The following CSMD3 variants were observed in gnomAD, a reference collection of about 807,000 sequenced individuals.
CSMD3 encodes CUB and Sushi multiple domains 3, also known as CUB and sushi domain-containing protein 3.
CSMD3 carries 177 observed loss-of-function variants against 435.2 expected under a neutral mutation model. That is an observed-to-expected ratio of 0.41 (90% CI 0.36 to 0.46). The LOEUF is 0.46. CSMD3 is among the 20% of genes least tolerant of loss of function. The probability of loss-of-function intolerance (pLI) is 0.34; values close to 1 mark genes in which losing one functional copy is unlikely to be tolerated. For missense variants in CSMD3, 4,265 were observed against 4,504.6 expected, an observed-to-expected ratio of 0.95 and a Z score of 1.52; for synonymous variants, 1,656 against 1,520.5, an observed-to-expected ratio of 1.09 and a Z score of -2.07.
intron 2 of CSMD3, among the ~76,000 whole-genome samples, chr8:113,302,302 A>ATTG (rs200462130): frequency 8.2e-6 from 1 of 121,744 alleles, no homozygotes; most frequent in South Asian, 2.5e-4. Context: ...ATAATATAAT[A>ATTG]TATATATTAT....
At chr8:112,754,984 G>A (rs897035431) in intron 13 of CSMD3, among the ~76,000 whole-genome samples, 9 of 152,088 alleles carry the variant, frequency 5.9e-5, no homozygotes, top group African/African-American at 2.2e-4. Context: ...ATCTTGAATG[G>A]TACTTCCCAT....
intron 22 of CSMD3, among the ~76,000 whole-genome samples, chr8:112,634,042 G>T (rs2074589049): frequency 6.6e-6 from 1 of 151,926 alleles, no homozygotes; most frequent in Non-Finnish European, 1.5e-5. Flanking sequence ...TATGCAGTTG[G>T]CAATGCTGAA....
intron 3 of CSMD3, among the ~76,000 whole-genome samples, chr8:113,199,683 C>T (rs2092697577): frequency 6.6e-6 from 1 of 151,628 alleles, no homozygotes; most frequent in Middle Eastern, 3.4e-3. Context: ...TGCTGAAAGC[C>T]ACAACATTAA....
chr8:112,470,942 T>G (rs7818544), intron 32 of CSMD3, among the ~76,000 whole-genome samples: 42,988 of 151,954 alleles, frequency 0.28, 6,389 homozygotes, highest in East Asian at 0.51. Context: ...AAAAACCAAC[T>G]ATTATTGGCT....
intron 59 of CSMD3, among the ~76,000 whole-genome samples, chr8:112,277,527 C>T (rs1051342718): frequency 3.3e-5 from 5 of 152,176 alleles, no homozygotes; most frequent in African/African-American, 9.7e-5. Flanking sequence ...TTCTCCTGAG[C>T]CCTCCAAACT....
At chr8:112,488,038 A>AATAT (rs1240374235) in intron 31 of CSMD3, among the ~76,000 whole-genome samples, 1 of 152,194 alleles carries the variant, frequency 6.6e-6, no homozygotes, top group Non-Finnish European at 1.5e-5. Flanking sequence ...GCTATTATTT[A>AATAT]ATATATATGA....
chr8:113,406,015 C>T (rs986920700), intron 1 of CSMD3, among the ~76,000 whole-genome samples: 4 of 151,766 alleles, frequency 2.6e-5, no homozygotes, highest in Non-Finnish European at 4.4e-5. Context: ...TCATTGTCAT[C>T]ACCTGATAAA....
At position 112,545,509 on chromosome 8, in the gene CSMD3, A is replaced by AAAT. The variant is rs1355880773; in HGVS notation, c.4564+5161_4564+5162insATT. ...AAAAAAAAAAAAAAAAAAAATAATA[A>AAAT]TAATAATAATAATAATAAATGCTCT... is the stretch of plus-strand genomic sequence containing the variant. On this transcript the variant is annotated intron_variant, in intron 27 of 70. Coordinates refer to ENST00000297405, the MANE Select transcript of CSMD3 (RefSeq NM_198123.2). Among the ~76,000 whole-genome samples the AAAT allele has an allele frequency of 2.1e-5, 3 of 141,138 alleles. No individual in the cohort carries two copies. The East Asian group carries it at 6.2e-4, about 29-fold the overall frequency. The allele number at this position is 141,138 out of a possible 152,430, so 92.6% of individuals were successfully genotyped here. A position where few individuals can be genotyped will look rare whatever the true frequency, so the allele number is the denominator to read the frequency against.
chr8:113,090,226 C>T (rs919437537), intron 5 of CSMD3, among the ~76,000 whole-genome samples: 9 of 151,914 alleles, frequency 5.9e-5, no homozygotes, highest in African/African-American at 2.2e-4. Context: ...TAGGCATAGG[C>T]TAGTTTCATG....
rs1192699557 is a variant in CSMD3, at chr8:112,859,184, T to G, written c.1716A>C (p.Ala572=). The G allele has an allele frequency of 1.2e-6, 2 of 1,611,160 alleles. No individual in the cohort carries two copies. Among genetic ancestry groups the G allele is most frequent in the African/African-American group, 2.7e-5 (2 of 74,832 alleles). Residue 572 remains alanine, a synonymous_variant, in exon 11 of 71, where the codon GCA becomes GCC. Coordinates refer to ENST00000297405, the MANE Select transcript of CSMD3 (RefSeq NM_198123.2). The part of the protein sequence containing the change: ...PNFPFQYDSN[A]QCVWVITAVN... ...CTGCTGTGATGACCCAGACACATTGTGCATTGCTGTCATACTGGAACGGAA... is the reference window on the plus strand; with the variant it reads ...CTGCTGTGATGACCCAGACACATTGGGCATTGCTGTCATACTGGAACGGAA...
intron 28 of CSMD3, among the ~76,000 whole-genome samples, chr8:112,511,232 T>C (rs1454928146): frequency 2.2e-4 from 34 of 152,092 alleles, no homozygotes; most frequent in Non-Finnish European, 4.4e-5. Context: ...TTAAAAATAC[T>C]TTATTGCTAA....
intron 22 of CSMD3, among the ~76,000 whole-genome samples, chr8:112,634,523 G>A (rs1397565938): frequency 1.3e-5 from 2 of 151,894 alleles, no homozygotes; most frequent in Non-Finnish European, 2.9e-5. Flanking sequence ...ATGGGTAGGG[G>A]GGAATTCCCA....
chr8:112,665,208 T>A (rs1272163401), intron 17 of CSMD3, among the ~76,000 whole-genome samples: 1 of 152,166 alleles, frequency 6.6e-6, no homozygotes, highest in Non-Finnish European at 1.5e-5. Flanking sequence ...GTCACTTCCT[T>A]TTTTTGTCTA....
chr8:112,472,894 A>G (rs1818670446), intron 31 of CSMD3, among the ~76,000 whole-genome samples, 187 bp from the exon 32 acceptor site: 1 of 152,236 alleles, frequency 6.6e-6, no homozygotes, highest in Non-Finnish European at 1.5e-5. Context: ...ACAAAACTTT[A>G]TAAGTATTCA....
At chr8:113,165,228 T>A (rs2092127003) in intron 4 of CSMD3, among the ~76,000 whole-genome samples, 1 of 152,156 alleles carries the variant, frequency 6.6e-6, no homozygotes, top group African/African-American at 2.4e-5. Context: ...GACGCAAAGA[T>A]AATATAACTT....
chr8:113,201,058 G>GAGA (rs2092711565), intron 3 of CSMD3, among the ~76,000 whole-genome samples: 1 of 151,906 alleles, frequency 6.6e-6, no homozygotes, highest in Admixed American at 6.6e-5. Flanking sequence ...ACCCTTTGTA[G>GAGA]AGACAACTTC....
intron 22 of CSMD3, among the ~76,000 whole-genome samples, chr8:112,590,647 T>C (rs1052646624): frequency 6.6e-6 from 1 of 152,062 alleles, no homozygotes; most frequent in African/African-American, 2.4e-5. Context: ...GATGGGGAAA[T>C]ACTTTTGTCT....
intron 29 of CSMD3, among the ~76,000 whole-genome samples, chr8:112,504,676 C>T (rs1188427161): frequency 6.6e-6 from 1 of 151,984 alleles, no homozygotes. Flanking sequence ...GTAAATGATT[C>T]AAATCAGTTG....
chr8:112,856,019 T>C (rs1344067297), intron 11 of CSMD3, among the ~76,000 whole-genome samples: 1 of 151,910 alleles, frequency 6.6e-6, no homozygotes, highest in Non-Finnish European at 1.5e-5. Context: ...CAGATTGAGG[T>C]ATGTCTTCAG....
Sources: allele counts gnomAD v4.1 joint callset (sites outside exome capture counted in the v4.1 genomes callset), GRCh38; gene constraint gnomAD v4.1.1; transcripts MANE v1.5; gene names NCBI Gene and HGNC (gene_info 2026-07-23, HGNC 2026-07-21).